The following AMPD3 variants were observed in gnomAD, a reference collection of about 807,000 sequenced individuals.
AMPD3 encodes adenosine monophosphate deaminase 3.
A neutral mutation model predicts 82.3 loss-of-function variants in AMPD3; 57 were observed. The observed-to-expected ratio is 0.69, with a 90% CI of 0.56 to 0.86. The LOEUF (loss-of-function observed/expected upper bound fraction) is 0.86, where lower values mean the gene tolerates loss of function less well. AMPD3 is among the 40% of genes least tolerant of loss of function. The probability of loss-of-function intolerance (pLI) is 0.00; values close to 1 mark genes in which losing one functional copy is unlikely to be tolerated. For synonymous variants in AMPD3, 381 were observed against 394.7 expected, an observed-to-expected ratio of 0.97 and a Z score of 0.41; for missense variants, 870 against 1,003.8, an observed-to-expected ratio of 0.87 and a Z score of 1.80.
chr11:10,474,979 A>G (rs1414307246), intron 2 of AMPD3, among the ~76,000 whole-genome samples: 1 of 152,226 alleles, frequency 6.6e-6, no homozygotes, highest in Non-Finnish European at 1.5e-5. Context: ...GTTCATACAC[A>G]CACTCATAGA....
In AMPD3 at chr11:10,487,274, C is replaced by T. The variant is rs1849101203; in HGVS notation, c.849C>T (p.Ser283=). 6.2e-7 allele frequency: 1 copy of T among 1,614,048 alleles called. No homozygotes were observed. The highest frequency in any genetic ancestry group is 1.7e-5 in the Admixed American group (1 of 60,004). The change falls in exon 6 of 15, where the codon TCC becomes TCT. Residue 283 remains serine (S), a synonymous_variant. Coordinates refer to ENST00000396553, the MANE Select transcript of AMPD3 (RefSeq NM_001025389.2). ...ACCGGCGACTGAACTTTCTGGAATCCAAGTTCAGCCTTCATGAGATGTTAA... is the reference window on the plus strand; with the variant it reads ...ACCGGCGACTGAACTTTCTGGAATCTAAGTTCAGCCTTCATGAGATGTTAA... ...YCHRRLNFLE[S]KFSLHEMLNE...
At chr11:10,462,696 A>G (rs1171697869) in intron 2 of AMPD3, among the ~76,000 whole-genome samples, 3 of 152,196 alleles carry the variant, frequency 2.0e-5, no homozygotes, top group Admixed American at 6.5e-5. Context: ...GCTATGAAAG[A>G]GATGAATAAG....
chr11:10,499,294 A>C (rs1399148105), intron 10 of AMPD3: 2 of 151,638 alleles, frequency 1.3e-5, no homozygotes, highest in African/African-American at 4.9e-5. Context: ...GCTCACTGCA[A>C]CCTCCACCTC....
chr11:10,450,752 G>T, upstream of AMPD3: 1 of 1,146,990 alleles, frequency 8.7e-7, no homozygotes, highest in Non-Finnish European at 1.1e-6. Context: ...TCTCTGCTCC[G>T]CTCCGCGCCC....
chr11:10,495,620 G>T lies in AMPD3; in HGVS notation c.1317G>T (p.Arg439=), dbSNP rs370322247. 1.2e-6 allele frequency: 2 copies of T among 1,613,760 alleles called. No individual in the cohort carries two copies. The highest frequency in any genetic ancestry group is 2.7e-5 in the African/African-American group (2 of 75,018). ...EESKYQYSEP[R]LSIYGRSPEE... is the part of the protein sequence containing the mutation. ...GCAAGTACCAGTACTCAGAGCCACG[G>T]CTCTCCATCTACGGCCGCAGTCCTG... The change falls in exon 9 of 15, where the codon CGG becomes CGT. Residue 439 remains arginine (R), a synonymous_variant. Transcript: ENST00000396553.
rs138824765 is a variant in AMPD3 at position 10,483,888 on chromosome 11, C to T, written c.590-932C>T. ...CCTGCCTATGCTGGCAGCTGGACAG[C>T]TGATCCTGGATGGTGCTGGCTGAGC... is the stretch of plus-strand genomic sequence containing the variant. On this transcript the variant is annotated intron_variant, in intron 4 of 14. Transcript: ENST00000396553. Among the ~76,000 whole-genome samples, 538 of 152,370 alleles carry T rather than the reference C, an allele frequency of 3.5e-3. 3 individuals carry two copies. The highest frequency in any genetic ancestry group is 5.2e-3 in the Non-Finnish European group (351 of 68,032).
At chr11:10,495,487 C>T (rs889942175) in intron 8 of AMPD3, 83 bp from the exon 9 acceptor site, 1 of 1,607,716 alleles carries the variant, frequency 6.2e-7, no homozygotes, top group Non-Finnish European at 8.5e-7. Flanking sequence ...GGGGGAGCAA[C>T]AGGACCCTGC....
At chr11:10,455,840 G>A (rs1848076948) in intron 1 of AMPD3, 2 of 936,444 alleles carry the variant, frequency 2.1e-6, no homozygotes, top group African/African-American at 3.6e-5. Context: ...GGCTTTCTGA[G>A]AAGAGGCAGG....
At chr11:10,486,297 G>C (rs1380543030) in intron 5 of AMPD3, among the ~76,000 whole-genome samples, 2 of 152,216 alleles carry the variant, frequency 1.3e-5, no homozygotes, top group African/African-American at 4.8e-5. Flanking sequence ...AGTGCCGGCA[G>C]ATGCTCTTAT....
chr11:10,456,365 A>T lies in AMPD3; in HGVS notation c.-6+917A>T. ...GCACCTCACCCGGGTGCATCACTTG[A>T]GTGGCATCTTCAGGACCAGTCATGG... On this transcript the variant is annotated intron_variant, in intron 1 of 14. Transcript: ENST00000396553. The surrounding 1 kb of genome is among the most constrained non-coding windows in gnomAD (Gnocchi z 4.3). 1.2e-6 allele frequency: 2 copies of T among 1,613,620 alleles called. No homozygotes were observed. The highest frequency in any genetic ancestry group is 1.7e-4 in the Middle Eastern group (1 of 6,058).
rs557741290 is a variant in AMPD3 at position 10,460,789 on chromosome 11, A to G, written c.-5-726A>G. On this transcript the variant is annotated intron_variant, in intron 1 of 14. Coordinates refer to ENST00000396553, the MANE Select transcript of AMPD3 (RefSeq NM_001025389.2). ...AAATGAAGAAAGCAAGCAAGCAAGA[A>G]TGAAACCCAACCAACCAAGCAGGTG... The G allele has an allele frequency of 1.1e-5, 7 of 645,320 alleles. No individual in the cohort carries two copies. In the South Asian group the frequency reaches 4.1e-4, roughly 38 times the overall value. 40.0% of individuals were successfully genotyped at this position (645,320 alleles called of 1,614,324 possible).
In AMPD3 at chr11:10,501,612, G is replaced by A. The variant is rs201854837; in HGVS notation, c.1842+22G>A. On this transcript the variant is annotated intron_variant, in intron 12 of 14. Transcript: ENST00000396553. ...GAAGGTAACCAGGTCACTCTCGGGAGCCCGTCCTGAGTGACTGCCCTGCCC... is the reference window on the plus strand; with the variant it reads ...GAAGGTAACCAGGTCACTCTCGGGAACCCGTCCTGAGTGACTGCCCTGCCC... 277 of 1,614,128 alleles carry A rather than the reference G, an allele frequency of 1.7e-4. 1 individual carries two copies. In the African/African-American group the frequency reaches 3.0e-3, roughly 17 times the overall value.
At chr11:10,466,813 T>G (rs1224498074) in intron 2 of AMPD3, among the ~76,000 whole-genome samples, 1 of 152,200 alleles carries the variant, frequency 6.6e-6, no homozygotes, top group African/African-American at 2.4e-5. Flanking sequence ...ATCAGGCAAG[T>G]GCCCCTCTGG....
chr11:10,472,022 T>C (rs544956479), intron 2 of AMPD3, among the ~76,000 whole-genome samples: 1 of 152,254 alleles, frequency 6.6e-6, no homozygotes, highest in East Asian at 1.9e-4. Flanking sequence ...CTATCCACAA[T>C]AGCAAAGACT....
At chr11:10,484,631 A>G (rs1274716490) in intron 4 of AMPD3, 189 bp from the exon 5 acceptor site, 1 of 694,210 alleles carries the variant, frequency 1.4e-6, no homozygotes. Flanking sequence ...GAGATAAAGA[A>G]GTGACATGGT....
In AMPD3 at chr11:10,495,747, C is replaced by A. The variant is rs747979415; in HGVS notation, c.1430+14C>A. On this transcript the variant is annotated intron_variant, in intron 9 of 14. Coordinates refer to ENST00000396553, the MANE Select transcript of AMPD3 (RefSeq NM_001025389.2). The stretch of plus-strand genomic sequence containing the variant: ...GCCCCGGATTTAGTAAGTGAGGTGG[C>A]CCGCTGTCTACCCTGTGCCCTACAG... The A allele has an allele frequency of 1.3e-5, 21 of 1,613,786 alleles. No homozygotes were observed. The highest frequency in any genetic ancestry group is 2.2e-5 in the East Asian group (1 of 44,880).
At chr11:10,453,850 G>T (rs1463531300), upstream of AMPD3, among the ~76,000 whole-genome samples, 1 of 152,104 alleles carries the variant, frequency 6.6e-6, no homozygotes, top group Non-Finnish European at 1.5e-5. Context: ...GGCTCCCAAA[G>T]TGCTGGGATT....
chr11:10,492,122 G>C (rs1849256309), intron 6 of AMPD3, among the ~76,000 whole-genome samples: 1 of 152,200 alleles, frequency 6.6e-6, no homozygotes, highest in African/African-American at 2.4e-5. Context: ...ACAGGACTTA[G>C]CATGATATAG....
chr11:10,501,737 T>G (rs934418847), intron 12 of AMPD3, 147 bp downstream of exon 12: 33 of 1,472,090 alleles, frequency 2.2e-5, no homozygotes, highest in African/African-American at 2.8e-5. Flanking sequence ...ATTATGAAAG[T>G]AATATAATCA....
Sources: gnomAD v4.1 joint callset for allele counts (sites outside exome capture counted in the v4.1 genomes callset) on GRCh38, gnomAD v4.1.1 for gene constraint, Gnocchi (gnomAD v3.1) non-coding constraint, MANE v1.5 for transcripts, NCBI Gene and HGNC (gene_info 2026-07-23, HGNC 2026-07-21) for gene names.